Variants in TMEM163 observed in about 807,000 individuals in gnomAD.
TMEM163 encodes transmembrane protein 163.
A neutral mutation model predicts 29.3 loss-of-function variants in TMEM163; 17 were observed. The observed-to-expected ratio is 0.58, with a 90% CI of 0.40 to 0.87. TMEM163 has a LOEUF of 0.87. TMEM163 is among the 40% of genes least tolerant of loss of function. The pLI, the probability that TMEM163 is intolerant of heterozygous loss-of-function variation, is 0.00. For synonymous variants in TMEM163, 157 were observed against 160.6 expected (o/e 0.98, Z 0.17); for missense variants, 303 against 381.5 (o/e 0.79, Z 1.71).
intron 2 of TMEM163, among the ~76,000 whole-genome samples, chr2:134,570,550 C>T (rs1681400043): frequency 6.7e-6 from 1 of 149,456 alleles, no homozygotes; most frequent in African/African-American, 2.6e-5. Flanking sequence ...CTCATTCTGC[C>T]CTCCTTACTT....
At chr2:134,481,233 G>T (rs991540975) in intron 5 of TMEM163, among the ~76,000 whole-genome samples, 1 of 152,116 alleles carries the variant, frequency 6.6e-6, no homozygotes, top group Non-Finnish European at 1.5e-5. Flanking sequence ...CCCCCGACAG[G>T]TTTATTATAA....
intron 2 of TMEM163, among the ~76,000 whole-genome samples, chr2:134,613,674 C>G (rs1004586362): frequency 6.6e-6 from 1 of 151,922 alleles, no homozygotes; most frequent in African/African-American, 2.4e-5. Context: ...CAAAATTGTC[C>G]TTCAAAAATG....
chr2:134,665,541 T>G (rs1202052173), intron 2 of TMEM163, among the ~76,000 whole-genome samples: 1 of 152,186 alleles, frequency 6.6e-6, no homozygotes, highest in Non-Finnish European at 1.5e-5. Flanking sequence ...CATCTATCCC[T>G]GGCCATATCT....
chr2:134,642,129 T>A (rs906365454), intron 2 of TMEM163, among the ~76,000 whole-genome samples: 1 of 145,684 alleles, frequency 6.9e-6, no homozygotes, highest in African/African-American at 2.5e-5. Context: ...CAATCCACGA[T>A]TTTTTTTTTT....
At chr2:134,600,038 G>A (rs148001368) in intron 2 of TMEM163, among the ~76,000 whole-genome samples, 164 of 152,284 alleles carry the variant, frequency 1.1e-3, no homozygotes, top group African/African-American at 3.7e-3. Flanking sequence ...AGTTCCTTGA[G>A]AGCAGGAGTT....
intron 2 of TMEM163, among the ~76,000 whole-genome samples, chr2:134,596,438 T>C (rs529614616): frequency 6.6e-6 from 1 of 152,332 alleles, no homozygotes; most frequent in Admixed American, 6.5e-5. Context: ...TGTGGTATTA[T>C]TTCTGAGGGC....
At chr2:134,574,541 C>A (rs1558950256) in intron 2 of TMEM163, among the ~76,000 whole-genome samples, 1 of 152,108 alleles carries the variant, frequency 6.6e-6, no homozygotes, top group African/African-American at 2.4e-5. Flanking sequence ...GCCTGGGCAA[C>A]AAGAGAGAAA....
chr2:134,599,667 G>C (rs1295122164), intron 2 of TMEM163, among the ~76,000 whole-genome samples: 1 of 150,644 alleles, frequency 6.6e-6, no homozygotes, highest in African/African-American at 2.4e-5. Flanking sequence ...AACAAACACT[G>C]AAGATAGCTA....
chr2:134,509,616 T>G (rs1442069524), intron 4 of TMEM163, among the ~76,000 whole-genome samples: 1 of 152,210 alleles, frequency 6.6e-6, no homozygotes, highest in Non-Finnish European at 1.5e-5. Context: ...CACTCACATT[T>G]TAAGTTCTAC....
At chr2:134,515,762 C>T (rs1014694105) in intron 4 of TMEM163, among the ~76,000 whole-genome samples, 2 of 151,958 alleles carry the variant, frequency 1.3e-5, no homozygotes, top group Non-Finnish European at 1.5e-5. Context: ...TAAATCTAAA[C>T]CCAGGGGGAA....
chr2:134,598,299 G>A (rs938091142), intron 2 of TMEM163, among the ~76,000 whole-genome samples: 3 of 152,084 alleles, frequency 2.0e-5, no homozygotes, highest in African/African-American at 7.2e-5. Flanking sequence ...TTCCAAACCT[G>A]CTTATGTCAG....
At chr2:134,598,051 C>CA (rs1363250781) in intron 2 of TMEM163, among the ~76,000 whole-genome samples, 2 of 152,052 alleles carry the variant, frequency 1.3e-5, no homozygotes, top group South Asian at 4.1e-4. Flanking sequence ...TTGATATTTT[C>CA]AAAAAACCAG....
intron 4 of TMEM163, among the ~76,000 whole-genome samples, chr2:134,513,434 T>C (rs1679991687): frequency 6.6e-6 from 1 of 152,144 alleles, no homozygotes; most frequent in South Asian, 2.1e-4. Flanking sequence ...AAATTACAAA[T>C]GCCCTAGAAA....
chr2:134,609,036 C>T (rs1215636589), intron 2 of TMEM163, among the ~76,000 whole-genome samples: 3 of 99,966 alleles, frequency 3.0e-5, no homozygotes, highest in East Asian at 6.8e-4. Context: ...AAAGGACAGA[C>T]CCCGAGAACT....
intron 2 of TMEM163, among the ~76,000 whole-genome samples, chr2:134,584,500 C>A (rs1681766003): frequency 6.6e-6 from 1 of 152,176 alleles, no homozygotes; most frequent in Non-Finnish European, 1.5e-5. Context: ...TGTGAAAAAT[C>A]ACAGGTGAAA....
intron 2 of TMEM163, among the ~76,000 whole-genome samples, chr2:134,638,111 A>G (rs1298473866): frequency 6.6e-6 from 1 of 152,178 alleles, no homozygotes; most frequent in Non-Finnish European, 1.5e-5. Context: ...TTTGCCTCTC[A>G]CCTTTTTAAA....
chr2:134,563,919 G>C (rs1166970386), intron 2 of TMEM163, among the ~76,000 whole-genome samples: 1 of 152,178 alleles, frequency 6.6e-6, no homozygotes, highest in Non-Finnish European at 1.5e-5. Context: ...AGGCGTGGTG[G>C]TGGGTGTCTG....
At position 134,654,188 on chromosome 2, in the gene TMEM163, CT is replaced by C. The variant is rs2104850904; in HGVS notation, c.322+59011del. On this transcript the variant is annotated intron_variant, in intron 2 of 7. Coordinates refer to ENST00000281924, the MANE Select transcript of TMEM163 (RefSeq NM_030923.5). ...TATTAATGTGTGGGAGTCTAAGTCTCTTTGTAGGTCACTCAGGACTTGCTTT... is the reference window on the plus strand; with the variant it reads ...TATTAATGTGTGGGAGTCTAAGTCTCTTGTAGGTCACTCAGGACTTGCTTT... Among the ~76,000 whole-genome samples the C allele has an allele frequency of 1.6e-5, 2 of 128,362 alleles. 1 individual carries two copies. The highest frequency in any genetic ancestry group is 5.2e-4 in the South Asian group (2 of 3,864). The allele number at this position is 128,362 out of a possible 152,430, so 84.2% of individuals were successfully genotyped here.
At chr2:134,577,793 C>G (rs1681595038) in intron 2 of TMEM163, among the ~76,000 whole-genome samples, 1 of 150,848 alleles carries the variant, frequency 6.6e-6, no homozygotes, top group Non-Finnish European at 1.5e-5. Context: ...TTCAATCAAC[C>G]ATAGATCGAA....
Sources: gnomAD v4.1 joint callset for allele counts (sites outside exome capture counted in the v4.1 genomes callset) on GRCh38, gnomAD v4.1.1 for gene constraint, MANE v1.5 for transcripts, NCBI Gene and HGNC (gene_info 2026-07-23, HGNC 2026-07-21) for gene names.